The following C19orf53 variants were observed in gnomAD, a reference collection of about 807,000 sequenced individuals.
C19orf53 encodes the protein leydig cell tumor 10 kDa protein homolog.
C19orf53 carries 9 observed loss-of-function variants against 6.5 expected under a neutral mutation model. The ratio of observed to expected loss-of-function variants is 1.38; its 90% CI spans 0.83 to 2.40. The LOEUF (loss-of-function observed/expected upper bound fraction) is 2.40. Ranked by LOEUF, C19orf53 falls within the 30% of genes most tolerant of loss-of-function variation. The probability of loss-of-function intolerance (pLI) is 0.00; values close to 1 mark genes in which losing one functional copy is unlikely to be tolerated. For missense variants in C19orf53, 166 were observed against 129.7 expected (o/e 1.28, Z -1.36); for synonymous variants, 68 against 52.5 (o/e 1.29, Z -1.27).
At chr19:13,776,876 G>C (rs1974376972) in intron 2 of C19orf53, among the ~76,000 whole-genome samples, 1 of 152,230 alleles carries the variant, frequency 6.6e-6, no homozygotes, top group African/African-American at 2.4e-5. Context: ...CTGAATTCCA[G>C]CTCCATGACC....
intron 2 of C19orf53, among the ~76,000 whole-genome samples, chr19:13,777,572 C>G (rs1326559684): frequency 6.6e-6 from 1 of 152,312 alleles, no homozygotes; most frequent in South Asian, 2.1e-4. Flanking sequence ...GGAAAGGCGA[C>G]TGAGCCACCA....
At chr19:13,777,102 C>T (rs902314874) in intron 2 of C19orf53, among the ~76,000 whole-genome samples, 1 of 152,100 alleles carries the variant, frequency 6.6e-6, no homozygotes, top group Admixed American at 6.6e-5. Context: ...CAGGCGCCCG[C>T]CACCACACCT....
intron 2 of C19orf53, among the ~76,000 whole-genome samples, chr19:13,776,171 G>A (rs945399503): frequency 6.7e-5 from 9 of 135,112 alleles, no homozygotes; most frequent in Non-Finnish European, 1.4e-4. Flanking sequence ...GTAGAGATGG[G>A]GTTTCACTAT....
intron 2 of C19orf53, 67 bp downstream of exon 2, chr19:13,774,774 C>A: frequency 6.6e-7 from 1 of 1,519,888 alleles, no homozygotes. Flanking sequence ...CGGAGGACGG[C>A]GAGGGGGGAT....
chr19:13,775,991 C>T (rs1180681705), intron 2 of C19orf53, among the ~76,000 whole-genome samples: 1 of 152,002 alleles, frequency 6.6e-6, no homozygotes, highest in African/African-American at 2.4e-5. Context: ...GAGTCTCGCT[C>T]TGTCGCCCAG....
Position 13,774,493 on chromosome 19 carries a change from C to T in C19orf53, c.16C>T (p.Arg6Cys). Residue 6 changes from arginine to cysteine, a missense_variant, in exon 1 of 3, where the codon CGC (arginine) becomes TGC (cysteine). Transcript: ENST00000588234. Reference protein sequence around the residue: MAQGQRKFQAHKPAKS... With the variant: MAQGQCKFQAHKPAKS... ...GTGCCGGACCATGGCGCAGGGGCAGCGCAAGTTTCAGGCGCACAAACCCGC... is the reference window on the plus strand; with the variant it reads ...GTGCCGGACCATGGCGCAGGGGCAGTGCAAGTTTCAGGCGCACAAACCCGC... 1.2e-6 allele frequency: 2 copies of T among 1,609,916 alleles called. No homozygotes were observed. Among genetic ancestry groups the T allele is most frequent in the Non-Finnish European group, 1.7e-6 (2 of 1,178,288 alleles).
chr19:13,777,314 T>G (rs1303689000), intron 2 of C19orf53, among the ~76,000 whole-genome samples: 1 of 151,904 alleles, frequency 6.6e-6, no homozygotes, highest in Admixed American at 6.6e-5. Context: ...GGAACGATCA[T>G]AGCTCACTGC....
chr19:13,777,914 C>A, intron 2 of C19orf53, 138 bp from the exon 3 acceptor site: 1 of 1,109,224 alleles, frequency 9.0e-7, no homozygotes, highest in Non-Finnish European at 1.3e-6. Context: ...CCCCAGCCAC[C>A]AGACCCACAG....
rs138367753 is a variant in C19orf53, at chr19:13,778,172, G to A, written c.274G>A (p.Ala92Thr). Residue 92 changes from alanine to threonine, a missense_variant, in exon 3 of 3, where the codon GCC (alanine) becomes ACC (threonine). Coordinates refer to ENST00000588234, the MANE Select transcript of C19orf53 (RefSeq NM_014047.3). The part of the protein sequence containing the change: ...APAKKKGAAA[A>T]TSSKTPS The stretch of plus-strand genomic sequence containing the variant: ...AGCCAAGAAGAAAGGGGCAGCTGCC[G>A]CCACCTCCTCCAAGACACCTTCCTG... The A allele has an allele frequency of 2.1e-5, 33 of 1,609,614 alleles. No individual in the cohort carries two copies. Among genetic ancestry groups the A allele is most frequent in the South Asian group, 3.3e-5 (3 of 90,626 alleles).
At position 13,778,341 on chromosome 19, in the gene C19orf53, G is replaced by A. The variant is rs903757314; in HGVS notation, c.*143G>A. 1.5e-5 allele frequency: 16 copies of A among 1,049,952 alleles called. No individual in the cohort carries two copies. The highest frequency in any genetic ancestry group is 2.0e-5 in the Non-Finnish European group (15 of 767,842). The allele number at this position is 1,049,952 out of a possible 1,614,324, so 65.0% of individuals were successfully genotyped here. A position where few individuals can be genotyped will look rare whatever the true frequency, so the allele number is the denominator to read the frequency against. ...ACCTAGAACTTCAGTGGGGGCCAAG[G>A]GTGCTGAGAACCCAGCAATGACCAG... is the stretch of plus-strand genomic sequence containing the variant. On this transcript the variant is annotated 3_prime_UTR_variant, in exon 3 of 3. Coordinates refer to ENST00000588234, the MANE Select transcript of C19orf53 (RefSeq NM_014047.3).
In C19orf53 at chr19:13,778,320, A is replaced by G; in HGVS notation, c.*122A>G. 1 of 1,251,190 alleles carries G rather than the reference A, an allele frequency of 8.0e-7. No homozygotes were observed. The highest frequency in any genetic ancestry group is 3.2e-5 in the Admixed American group (1 of 31,666). The allele number at this position is 1,251,190 out of a possible 1,614,324, so 77.5% of individuals were successfully genotyped here. A position where few individuals can be genotyped will look rare whatever the true frequency, so the allele number is the denominator to read the frequency against. ...TGTCCCCCAGCACTGGGCTTCACCT[A>G]GAACTTCAGTGGGGGCCAAGGGTGC... On this transcript the variant is annotated 3_prime_UTR_variant, in exon 3 of 3. Coordinates refer to ENST00000588234, the MANE Select transcript of C19orf53 (RefSeq NM_014047.3).
chr19:13,774,700 T>C lies in C19orf53; in HGVS notation c.146T>C (p.Leu49Pro), dbSNP rs1441938947. Residue 49 changes from leucine to proline, a missense_variant, in exon 2 of 3, where the codon CTC (leucine) becomes CCC (proline). Transcript: ENST00000588234. Reference protein sequence around the residue: ...KKARVVQQQKLKKNLEVGIRK... With the variant: ...KKARVVQQQKPKKNLEVGIRK... ...GCGCGCGTCGTGCAGCAGCAAAAGC[T>C]CAAGAAGGTGTGCGGGGGCGAGAGA... is the stretch of plus-strand genomic sequence containing the variant. 6.2e-7 allele frequency: 1 copy of C among 1,604,710 alleles called. No individual in the cohort carries two copies.
In C19orf53 at chr19:13,778,251, C is replaced by G. The variant is rs1568316362; in HGVS notation, c.*53C>G. 1 of 1,498,952 alleles carries G rather than the reference C, an allele frequency of 6.7e-7. No individual in the cohort carries two copies. The allele number at this position is 1,498,952 out of a possible 1,614,324, so 92.9% of individuals were successfully genotyped here. A position where few individuals can be genotyped will look rare whatever the true frequency, so the allele number is the denominator to read the frequency against. ...TCCCACCCCCTACCTCCATATGGGA[C>G]CTTGCAAGTCATCCCACAGGCTGCA... On this transcript the variant is annotated 3_prime_UTR_variant, in exon 3 of 3. Coordinates refer to ENST00000588234, the MANE Select transcript of C19orf53 (RefSeq NM_014047.3).
At chr19:13,774,832 G>A in intron 2 of C19orf53, 125 bp downstream of exon 2, 1 of 1,295,590 alleles carries the variant, frequency 7.7e-7, no homozygotes, top group Non-Finnish European at 1.1e-6. Context: ...TCCTGGGGAC[G>A]AGCTAGGAGC....
chr19:13,774,847 G>A (rs1974350146), intron 2 of C19orf53, 140 bp downstream of exon 2: 9 of 1,201,028 alleles, frequency 7.5e-6, no homozygotes, highest in African/African-American at 4.6e-5. Context: ...AGGAGCGAGG[G>A]GATAGAGCCA....
rs540539873 is a variant in C19orf53, at chr19:13,774,720, G to C, written c.153+13G>C. ...AAAGCTCAAGAAGGTGTGCGGGGGC[G>C]AGAGATGGAGCCCGGAGGGCGGCGA... On this transcript the variant is annotated intron_variant, in intron 2 of 2. Coordinates refer to ENST00000588234, the MANE Select transcript of C19orf53 (RefSeq NM_014047.3). The C allele has an allele frequency of 6.3e-7, 1 of 1,593,192 alleles. No homozygotes were observed. Among genetic ancestry groups the C allele is most frequent in the South Asian group, 1.1e-5 (1 of 89,382 alleles).
intron 2 of C19orf53, among the ~76,000 whole-genome samples, chr19:13,776,275 C>T (rs887524074): frequency 1.3e-5 from 2 of 151,606 alleles, no homozygotes; most frequent in East Asian, 3.9e-4. Context: ...ACTGTGCTCG[C>T]CCCTATTTTG....
At chr19:13,777,244 C>T (rs1253757099) in intron 2 of C19orf53, among the ~76,000 whole-genome samples, 2 of 132,666 alleles carry the variant, frequency 1.5e-5, no homozygotes, top group South Asian at 2.6e-4. Flanking sequence ...TGCACCCAGC[C>T]GGAACTTTTT....
At chr19:13,776,825 C>G (rs941919919) in intron 2 of C19orf53, among the ~76,000 whole-genome samples, 2 of 152,206 alleles carry the variant, frequency 1.3e-5, no homozygotes, top group African/African-American at 4.8e-5. Flanking sequence ...AACAGTGTAA[C>G]ATATTACGCT....
Sources: gnomAD v4.1 joint callset for allele counts (sites outside exome capture counted in the v4.1 genomes callset) on GRCh38, gnomAD v4.1.1 for gene constraint, MANE v1.5 for transcripts, NCBI Gene and HGNC (gene_info 2026-07-23, HGNC 2026-07-21) for gene names.